WHAMM: variants seen among roughly 807,000 people sequenced by gnomAD.
The protein encoded by WHAMM is WASP homolog associated with actin, golgi membranes and microtubules.
Under a neutral mutation model 76.5 loss-of-function variants are expected in WHAMM, and 67 were observed. That is an observed-to-expected ratio of 0.88 (90% CI 0.72 to 1.07). The LOEUF is 1.07. Ranked by LOEUF, WHAMM falls within the 50% of genes least tolerant of loss-of-function variation. The probability of loss-of-function intolerance (pLI) is 0.00; values close to 1 mark genes in which losing one functional copy is unlikely to be tolerated. For missense variants in WHAMM, 1,021 were observed against 1,051.1 expected, an observed-to-expected ratio of 0.97 and a Z score of 0.40; for synonymous variants, 419 against 422.1, an observed-to-expected ratio of 0.99 and a Z score of 0.09.
In WHAMM at chr15:82,833,276, C is replaced by G. The variant is rs755226643; in HGVS notation, c.2170C>G (p.Leu724Val). The G allele has an allele frequency of 6.2e-7, 1 of 1,613,990 alleles. No individual in the cohort carries two copies. The highest frequency in any genetic ancestry group is 1.1e-5 in the South Asian group (1 of 91,068). The change falls in exon 10 of 10, where the codon CTC becomes GTC. Residue 724 changes from leucine (L) to valine (V), a missense_variant. Leu to Val is a conservative substitution (Grantham distance 32). This residue lies in a region of WHAMM where 509 missense variants were observed against 492.3 expected (regional missense o/e 1.03). Coordinates refer to ENST00000286760, the MANE Select transcript of WHAMM (RefSeq NM_001080435.3). ...CTCCTTAAGGCATGGCAGAGCTCCT[C>G]TCCGGAAGGTGGAAGTGCCGGCGGT... The part of the protein sequence containing the change: ...LASLRHGRAP[L>V]RKVEVPAVRP...
chr15:82,819,955 G>A (rs2151563739), intron 5 of WHAMM, among the ~76,000 whole-genome samples: 1 of 152,066 alleles, frequency 6.6e-6, no homozygotes, highest in Non-Finnish European at 1.5e-5. Flanking sequence ...CTGGGAGGTG[G>A]AAGTTTCAGT....
In WHAMM at chr15:82,809,796, G is replaced by C. The variant is rs767823503; in HGVS notation, c.70G>C (p.Glu24Gln). ...PVREGLFAEP[E>Q]RHRLRFLVAW... ...CCGGGAGGGCCTCTTCGCCGAGCCC[G>C]AGAGGCACCGGCTGCGCTTCCTGGT... is the stretch of plus-strand genomic sequence containing the variant. Residue 24 changes from glutamate (E) to glutamine (Q), a missense_variant, in exon 1 of 10, where the codon GAG becomes CAG. Physicochemically the swap from Glu to Gln is conservative, Grantham distance 29. Transcript: ENST00000286760. 109 of 1,602,126 alleles carry C rather than the reference G, an allele frequency of 6.8e-5. 2 individuals are homozygous for C. The South Asian group carries it at 1.2e-3, about 17-fold the overall frequency.
chr15:82,831,222 AG>A, intron 9 of WHAMM, 143 bp downstream of exon 9: 1 of 1,423,092 alleles, frequency 7.0e-7, no homozygotes, highest in Non-Finnish European at 9.4e-7. Context: ...TGCTGCCTTG[AG>A]TATCATTATT....
rs186069574 is a variant in WHAMM at position 82,825,993 on chromosome 15, C to T, written c.1459-417C>T. Reference sequence around the variant, plus strand: ...TATATTGGTACAGTGCGTGGTTAAGCACAGGTGAAACAGTTCTAATTTTTC... The same window carrying T: ...TATATTGGTACAGTGCGTGGTTAAGTACAGGTGAAACAGTTCTAATTTTTC... On this transcript the variant is annotated intron_variant, in intron 6 of 9. Coordinates refer to ENST00000286760, the MANE Select transcript of WHAMM (RefSeq NM_001080435.3). Among the ~76,000 whole-genome samples, 11 of 152,264 alleles carry T rather than the reference C, an allele frequency of 7.2e-5. 1 individual carries two copies. In the East Asian group the frequency reaches 2.1e-3, roughly 29 times the overall value.
intron 1 of WHAMM, 62 bp from the exon 2 acceptor site, chr15:82,813,041 T>A: frequency 1.6e-6 from 2 of 1,257,634 alleles, no homozygotes; most frequent in Non-Finnish European, 2.1e-6. Flanking sequence ...TTTAGTTTTG[T>A]TTGTTGGGTA....
chr15:82,835,314 A>G lies in WHAMM; in HGVS notation c.*1778A>G, dbSNP rs1056276579. ...GCTAATTTTTATATTTTTAGTAGAGATGGGGTTTCACCATGTTGGCAGGAT... is the reference window on the plus strand; with the variant it reads ...GCTAATTTTTATATTTTTAGTAGAGGTGGGGTTTCACCATGTTGGCAGGAT... On this transcript the variant is annotated 3_prime_UTR_variant, in exon 10 of 10. Transcript: ENST00000286760. 2 of 152,096 alleles carry G rather than the reference A, an allele frequency of 1.3e-5. No homozygotes were observed. Among genetic ancestry groups the G allele is most frequent in the African/African-American group, 4.8e-5 (2 of 41,334 alleles). The allele number at this position is 152,096 out of a possible 1,614,324, so 9.4% of individuals were successfully genotyped here.
chr15:82,828,542 G>A lies in WHAMM; in HGVS notation c.1641+1696G>A, dbSNP rs143210490. On this transcript the variant is annotated intron_variant, in intron 8 of 9. Transcript: ENST00000286760. ...CCAAGAGAGTTTCGATGAACAGAAT[G>A]GAGTCAGTGTGGAGGAAGGGATCCA... 5.6e-4 allele frequency among the ~76,000 whole-genome samples: 85 copies of A among 152,280 alleles called. 2 individuals are homozygous for A. In the East Asian group the frequency reaches 0.012, roughly 22 times the overall value.
intron 4 of WHAMM, 35 bp from the exon 5 acceptor site, chr15:82,819,288 T>G: frequency 2.3e-6 from 2 of 887,230 alleles, no homozygotes; most frequent in Non-Finnish European, 3.1e-6. Flanking sequence ...TACTAATTTA[T>G]TTTAACTTAT....
At position 82,810,220 on chromosome 15, in the gene WHAMM, TGC is replaced by T; in HGVS notation, c.498_499del (p.Asp167ArgfsTer6). The stretch of plus-strand genomic sequence containing the variant: ...GCCGACGGCTGCGGCGGCGCCACAG[TGC>T]GCGACGCACTCTTCCCGGCTGAGGG... On this transcript the variant is annotated frameshift_variant, in exon 1 of 10. Coordinates refer to ENST00000286760, the MANE Select transcript of WHAMM (RefSeq NM_001080435.3). LOFTEE classifies it high-confidence loss of function. 1 of 1,416,242 alleles carries T rather than the reference TGC, an allele frequency of 7.1e-7. No individual in the cohort carries two copies. The highest frequency in any genetic ancestry group is 1.4e-5 in the South Asian group (1 of 72,004). 87.7% of individuals were successfully genotyped at this position (1,416,242 alleles called of 1,614,324 possible). A position where few individuals can be genotyped will look rare whatever the true frequency, so the allele number is the denominator to read the frequency against.
intron 1 of WHAMM, chr15:82,810,555 G>A: frequency 1.0e-6 from 1 of 985,472 alleles, no homozygotes; most frequent in Non-Finnish European, 1.2e-6. Context: ...CGAAGTTAGA[G>A]CCTAGTGTAC....
At position 82,809,996 on chromosome 15, in the gene WHAMM, G is replaced by A. The variant is rs1447890450; in HGVS notation, c.270G>A (p.Ala90=). 1 of 1,272,586 alleles carries A rather than the reference G, an allele frequency of 7.9e-7. No individual in the cohort carries two copies. The highest frequency in any genetic ancestry group is 9.9e-7 in the Non-Finnish European group (1 of 1,011,284). The allele number at this position is 1,272,586 out of a possible 1,614,324, so 78.8% of individuals were successfully genotyped here. A position where few individuals can be genotyped will look rare whatever the true frequency, so the allele number is the denominator to read the frequency against. The part of the protein sequence containing the change: ...GLLSAAGLRG[A]HRQLAALWPP... ...TCTCGGCCGCGGGGCTCCGCGGCGC[G>A]CACCGGCAGTTGGCGGCGCTGTGGC... The change falls in exon 1 of 10, where the codon GCG becomes GCA. Residue 90 remains alanine (A), a synonymous_variant. Coordinates refer to ENST00000286760, the MANE Select transcript of WHAMM (RefSeq NM_001080435.3).
intron 6 of WHAMM, among the ~76,000 whole-genome samples, chr15:82,824,620 C>G (rs2050899026): frequency 6.6e-6 from 1 of 152,140 alleles, no homozygotes. Context: ...AGCGCCTGGC[C>G]ACACCCGGCT....
At chr15:82,810,757 G>C (rs1231044368) in intron 1 of WHAMM, 3 of 985,418 alleles carry the variant, frequency 3.0e-6, no homozygotes, top group Non-Finnish European at 2.4e-6. Flanking sequence ...GGATAAAATG[G>C]TTTAGAGGAA....
chr15:82,810,995 C>T (rs910299020), intron 1 of WHAMM, among the ~76,000 whole-genome samples: 1 of 152,072 alleles, frequency 6.6e-6, no homozygotes, highest in Admixed American at 6.5e-5. Context: ...AGAAAATATG[C>T]CTTCTAAGTC....
intron 5 of WHAMM, among the ~76,000 whole-genome samples, chr15:82,820,605 T>C (rs1041528021): frequency 1.3e-5 from 2 of 152,142 alleles, no homozygotes; most frequent in African/African-American, 4.8e-5. Flanking sequence ...TTTAAAATGA[T>C]GCTCCCAGGC....
Position 82,810,012 on chromosome 15 carries a change from G to A in WHAMM, c.286G>A (p.Ala96Thr). 7.9e-7 allele frequency: 1 copy of A among 1,262,384 alleles called. No individual in the cohort carries two copies. Among genetic ancestry groups the A allele is most frequent in the Non-Finnish European group, 9.9e-7 (1 of 1,005,732 alleles). 78.2% of individuals were successfully genotyped at this position (1,262,384 alleles called of 1,614,324 possible). Residue 96 changes from alanine (A) to threonine (T), a missense_variant, in exon 1 of 10, where the codon GCG (alanine) becomes ACG (threonine). By Grantham distance (58) the Ala-to-Thr change is moderately conservative. Coordinates refer to ENST00000286760, the MANE Select transcript of WHAMM (RefSeq NM_001080435.3). ...GLRGAHRQLA[A>T]LWPPLERCFP... ...CCGCGGCGCGCACCGGCAGTTGGCG[G>A]CGCTGTGGCCGCCTCTGGAGCGCTG...
intron 6 of WHAMM, among the ~76,000 whole-genome samples, chr15:82,826,046 T>C (rs1397176164): frequency 6.6e-6 from 1 of 152,198 alleles, no homozygotes; most frequent in African/African-American, 2.4e-5. Flanking sequence ...TCTGCTTTTG[T>C]AGGTATGCTC....
chr15:82,831,076 C>A lies in WHAMM; in HGVS notation c.2119C>A (p.Pro707Thr). The A allele has an allele frequency of 6.2e-7, 1 of 1,603,460 alleles. No homozygotes were observed. The highest frequency in any genetic ancestry group is 8.5e-7 in the Non-Finnish European group (1 of 1,178,868). Residue 707 changes from proline (P) to threonine (T), a missense_variant, in exon 9 of 10, where the codon CCA (proline) becomes ACA (threonine). Transcript: ENST00000286760. ...PRDSLESFSC[P>T]GSMDEVLASL... is the part of the protein sequence containing the mutation. Reference sequence around the variant, plus strand: ...TGACTCCTTGGAAAGTTTTTCATGTCCAGGTAATCCACTGGAATTCTGTCC... The same window carrying A: ...TGACTCCTTGGAAAGTTTTTCATGTACAGGTAATCCACTGGAATTCTGTCC...
intron 7 of WHAMM, 120 bp from the exon 8 acceptor site, chr15:82,826,631 C>T: frequency 6.4e-7 from 1 of 1,568,808 alleles, no homozygotes; most frequent in South Asian, 1.2e-5. Flanking sequence ...AGCCTGGGCG[C>T]AGCCTTGGGG....
Sources: allele counts gnomAD v4.1 joint callset (sites outside exome capture counted in the v4.1 genomes callset), GRCh38; gene constraint gnomAD v4.1.1; regional missense constraint gnomAD v4.1.1; transcripts MANE v1.5; gene names NCBI Gene and HGNC (gene_info 2026-07-23, HGNC 2026-07-21).